LRRC4C: variants seen among roughly 807,000 people sequenced by gnomAD.
LRRC4C encodes leucine rich repeat containing 4C, also known as leucine-rich repeat-containing protein 4C.
In LRRC4C, 5 loss-of-function variants were observed where a neutral mutation model predicts 33.6. The ratio of observed to expected loss-of-function variants is 0.15; its 90% confidence interval spans 0.08 to 0.31. The LOEUF (loss-of-function observed/expected upper bound fraction) is 0.31, where lower values mean the gene tolerates loss of function less well. Ranked by LOEUF, LRRC4C falls within the 10% of genes least tolerant of loss-of-function variation. The pLI is 1.00. For missense variants in LRRC4C, 560 were observed against 796.7 expected (o/e 0.70, Z 3.58); for synonymous variants, 329 against 302.0 (o/e 1.09, Z -0.93).
chr11:41,038,869 T>C (rs1377198761), intron 1 of LRRC4C, among the ~76,000 whole-genome samples: 1 of 152,090 alleles, frequency 6.6e-6, no homozygotes, highest in African/African-American at 2.4e-5. Flanking sequence ...AAAGAGAAGG[T>C]CACTCTCAAC....
rs1278617945 is a variant in LRRC4C, at chr11:41,229,788, C to T, written c.-496+229643G>A. Among the ~76,000 whole-genome samples, 4 of 152,116 alleles carry T rather than the reference C, an allele frequency of 2.6e-5. No homozygotes were observed. In the East Asian group the frequency reaches 7.8e-4, roughly 30 times the overall value. On this transcript the variant is annotated intron_variant, in intron 1 of 6. Coordinates refer to ENST00000528697, the MANE Select transcript of LRRC4C (RefSeq NM_001258419.2). ...CCTTGAGGGTATTAAAATGTCACAC[C>T]GAGCATTTAATGATTGTTTCCCCCT...
At chr11:40,656,091 G>T (rs984913551) in intron 2 of LRRC4C, among the ~76,000 whole-genome samples, 1 of 152,054 alleles carries the variant, frequency 6.6e-6, no homozygotes. Flanking sequence ...AGAGATTTTG[G>T]TAGGGACACA....
chr11:41,336,638 CT>C (rs1017507566), intron 1 of LRRC4C, among the ~76,000 whole-genome samples: 1 of 152,130 alleles, frequency 6.6e-6, no homozygotes, highest in Non-Finnish European at 1.5e-5. Context: ...AACAAAGAGG[CT>C]TTTAATAGTG....
chr11:41,384,402 A>C (rs1156419527), intron 1 of LRRC4C, among the ~76,000 whole-genome samples: 1 of 151,850 alleles, frequency 6.6e-6, no homozygotes, highest in African/African-American at 2.4e-5. Context: ...TACTTCATAC[A>C]ACAGTAGAAT....
At chr11:40,721,486 G>A (rs12578086) in intron 2 of LRRC4C, among the ~76,000 whole-genome samples, 18,053 of 152,216 alleles carry the variant, frequency 0.12, 1,520 homozygotes, top group East Asian at 0.43. Context: ...CTTAAACTAA[G>A]ACACTTGAGT....
chr11:41,124,352 T>A (rs764112318), intron 1 of LRRC4C, among the ~76,000 whole-genome samples: 4 of 152,216 alleles, frequency 2.6e-5, no homozygotes, highest in Non-Finnish European at 5.9e-5. Context: ...ACTTCTATCG[T>A]ATCCCAAGTA....
In LRRC4C at chr11:40,253,688, C is replaced by T. The variant is rs557750561; in HGVS notation, c.-175-12090G>A. On this transcript the variant is annotated intron_variant, in intron 4 of 6. Coordinates refer to ENST00000528697, the MANE Select transcript of LRRC4C (RefSeq NM_001258419.2). ...TAAACTTAACCCTCCAGATGCACTG[C>T]AGCCCAATGCTACAGATTACCTTGG... Among the ~76,000 whole-genome samples, 22 of 152,288 alleles carry T rather than the reference C, an allele frequency of 1.4e-4. No homozygotes were observed. In the South Asian group the frequency reaches 4.6e-3, roughly 32 times the overall value.
intron 1 of LRRC4C, among the ~76,000 whole-genome samples, chr11:41,307,816 T>C (rs1352634042): frequency 6.6e-6 from 1 of 152,174 alleles, no homozygotes; most frequent in Non-Finnish European, 1.5e-5. Flanking sequence ...CAATTTCATT[T>C]TAGGAGTTTA....
intron 3 of LRRC4C, among the ~76,000 whole-genome samples, chr11:40,482,286 C>A (rs138372603): frequency 6.6e-6 from 1 of 152,050 alleles, no homozygotes; most frequent in South Asian, 2.1e-4. Context: ...GTAGTTCAGG[C>A]AAAACCCTTA....
intron 5 of LRRC4C, among the ~76,000 whole-genome samples, chr11:40,185,062 C>G (rs1004626898): frequency 1.3e-5 from 2 of 152,180 alleles, no homozygotes; most frequent in African/African-American, 4.8e-5. Flanking sequence ...CAGCTAACAC[C>G]TTGGTTGACA....
intron 1 of LRRC4C, among the ~76,000 whole-genome samples, chr11:41,332,734 T>C (rs1951334466): frequency 6.6e-6 from 1 of 152,212 alleles, no homozygotes; most frequent in South Asian, 2.1e-4. Context: ...TAATGTCTGA[T>C]GGTTTGAACT....
chr11:41,176,100 G>A (rs925724561), intron 1 of LRRC4C, among the ~76,000 whole-genome samples: 1 of 152,186 alleles, frequency 6.6e-6, no homozygotes, highest in Admixed American at 6.5e-5. Flanking sequence ...TTATAGCAGT[G>A]ACTGCATGTG....
rs1246885312 is a variant in LRRC4C, at chr11:40,758,410, T to C, written c.-406-110132A>G. ...GCCTGGAGAAATGAAGTTCCTGTTT[T>C]AAGGATTTAAATAATTTAAATGCCC... On this transcript the variant is annotated intron_variant, in intron 2 of 6. Coordinates refer to ENST00000528697, the MANE Select transcript of LRRC4C (RefSeq NM_001258419.2). 3.9e-5 allele frequency among the ~76,000 whole-genome samples: 6 copies of C among 152,116 alleles called. No individual in the cohort carries two copies. The South Asian group carries it at 1.2e-3, about 31-fold the overall frequency.
At chr11:41,224,322 G>T in intron 1 of LRRC4C, among the ~76,000 whole-genome samples, 1 of 152,048 alleles carries the variant, frequency 6.6e-6, no homozygotes, top group East Asian at 1.9e-4. Flanking sequence ...TATTTTACGG[G>T]ACTAATGCAT....
At chr11:41,078,011 G>A (rs1939283326) in intron 1 of LRRC4C, among the ~76,000 whole-genome samples, 1 of 152,114 alleles carries the variant, frequency 6.6e-6, no homozygotes, top group Non-Finnish European at 1.5e-5. Context: ...CTAGGGCAGG[G>A]GCAAAACGCC....
intron 3 of LRRC4C, among the ~76,000 whole-genome samples, chr11:40,618,264 C>G (rs1212382160): frequency 8.4e-6 from 1 of 118,976 alleles, no homozygotes; most frequent in Non-Finnish European, 2.0e-5. Flanking sequence ...ACAACAGCAC[C>G]CAGGAAAGAC....
Position 40,744,024 on chromosome 11 carries a change from G to A in LRRC4C, c.-406-95746C>T, listed in dbSNP as rs181342650. ...GCACTAACCCCAAATCTCTGCCAACGAATTTACCTGTTTAATTATTTATTT... is the reference window on the plus strand; with the variant it reads ...GCACTAACCCCAAATCTCTGCCAACAAATTTACCTGTTTAATTATTTATTT... On this transcript the variant is annotated intron_variant, in intron 2 of 6. Transcript: ENST00000528697. Among the ~76,000 whole-genome samples, 125 of 152,112 alleles carry A rather than the reference G, an allele frequency of 8.2e-4. 1 individual carries two copies. The highest frequency in any genetic ancestry group is 2.6e-3 in the African/African-American group (107 of 41,536).
intron 3 of LRRC4C, among the ~76,000 whole-genome samples, chr11:40,492,061 CCTT>C (rs1350187205): frequency 1.8e-4 from 28 of 152,226 alleles, no homozygotes; most frequent in African/African-American, 6.5e-4. Flanking sequence ...TTTCTAGAGG[CCTT>C]CTTTAAAGAG....
rs569593314 is a variant in LRRC4C at position 41,438,038 on chromosome 11, C to CAAATAAATAAAT, written c.-496+21381_-496+21392dup. Reference sequence around the variant, plus strand: ...GGGCGACAAGAACAAAACTCCATCTCAAATAAATAAATAAATAAATAAATA... The same window carrying CAAATAAATAAAT: ...GGGCGACAAGAACAAAACTCCATCTCAAATAAATAAATAAATAAATAAATAAATAAATAAATA... On this transcript the variant is annotated intron_variant, in intron 1 of 6. Transcript: ENST00000528697. Among the ~76,000 whole-genome samples the CAAATAAATAAAT allele has an allele frequency of 2.1e-3, 135 of 65,642 alleles. 1 individual carries two copies. The highest frequency in any genetic ancestry group is 3.4e-3 in the Non-Finnish European group (81 of 24,080). 43.1% of individuals were successfully genotyped at this position (65,642 alleles called of 152,430 possible).
Sources: allele counts gnomAD v4.1 joint callset (sites outside exome capture counted in the v4.1 genomes callset), GRCh38; gene constraint gnomAD v4.1.1; transcripts MANE v1.5; gene names NCBI Gene and HGNC (gene_info 2026-07-23, HGNC 2026-07-21).